The following MAGI1 variants were observed in gnomAD, a reference collection of about 807,000 sequenced individuals.
The protein encoded by MAGI1 is membrane-associated guanylate kinase, WW and PDZ domain-containing protein 1.
Under a neutral mutation model 139.9 loss-of-function variants are expected in MAGI1, and 58 were observed. That is an observed-to-expected ratio of 0.41 (90% CI 0.34 to 0.52). MAGI1 has a LOEUF of 0.52. Ranked by LOEUF, MAGI1 falls within the 20% of genes least tolerant of loss-of-function variation. The pLI is 0.12. For synonymous variants in MAGI1, 812 were observed against 737.9 expected (o/e 1.10, Z -1.63); for missense variants, 1,874 against 1,901.6 (o/e 0.99, Z 0.27).
rs543375832 is a variant in MAGI1 at position 65,978,941 on chromosome 3, T to C, written c.313+59055A>G. Among the ~76,000 whole-genome samples the C allele has an allele frequency of 2.6e-5, 4 of 152,236 alleles. No individual in the cohort carries two copies. The South Asian group carries it at 8.3e-4, about 32-fold the overall frequency. On this transcript the variant is annotated intron_variant, in intron 1 of 22. Coordinates refer to ENST00000402939, the MANE Select transcript of MAGI1 (RefSeq NM_001033057.2). Reference sequence around the variant, plus strand: ...CACGCCTGGCTCAGCTCTTAATTTCTTCATTCACAAAGCAATAATTTCGAG... The same window carrying C: ...CACGCCTGGCTCAGCTCTTAATTTCCTCATTCACAAAGCAATAATTTCGAG...
intron 1 of MAGI1, among the ~76,000 whole-genome samples, chr3:65,944,496 C>A (rs2063464711): frequency 1.3e-5 from 2 of 151,666 alleles, no homozygotes; most frequent in African/African-American, 4.8e-5. Context: ...CCAGCCTGGG[C>A]AACAGAGCAA....
chr3:65,896,237 C>G (rs1478465082), intron 1 of MAGI1, among the ~76,000 whole-genome samples: 1 of 151,924 alleles, frequency 6.6e-6, no homozygotes, highest in Non-Finnish European at 1.5e-5. Context: ...CCAGTCAAAA[C>G]TGAAACCCAC....
chr3:65,506,604 G>C (rs572777698), intron 2 of MAGI1, among the ~76,000 whole-genome samples: 1 of 152,064 alleles, frequency 6.6e-6, no homozygotes, highest in African/African-American at 2.4e-5. Context: ...AAATCACAAA[G>C]TCAACACATT....
rs2065082675 is a variant in MAGI1, at chr3:65,973,051, G to C, written c.313+64945C>G. Reference sequence around the variant, plus strand: ...TGTAGTCCCAGCTACTTGGGAGGCTGAGATGGGATGATCACTTGGGCCCAG... The same window carrying C: ...TGTAGTCCCAGCTACTTGGGAGGCTCAGATGGGATGATCACTTGGGCCCAG... On this transcript the variant is annotated intron_variant, in intron 1 of 22. Coordinates refer to ENST00000402939, the MANE Select transcript of MAGI1 (RefSeq NM_001033057.2). 5.3e-5 allele frequency among the ~76,000 whole-genome samples: 8 copies of C among 152,084 alleles called. No individual in the cohort carries two copies. In the South Asian group the frequency reaches 1.7e-3, roughly 32 times the overall value.
chr3:65,762,589 G>A (rs2037123317), intron 1 of MAGI1, among the ~76,000 whole-genome samples: 1 of 152,076 alleles, frequency 6.6e-6, no homozygotes, highest in South Asian at 2.1e-4. Context: ...CATAAGCAGG[G>A]CCCAGGGAAA....
intron 7 of MAGI1, among the ~76,000 whole-genome samples, chr3:65,444,868 T>C (rs538948254): frequency 2.0e-5 from 3 of 152,192 alleles, no homozygotes; most frequent in Admixed American, 6.5e-5. Context: ...ATTGAAAAGA[T>C]AGTTTCTCAC....
At chr3:66,025,263 G>C (rs28375572) in intron 1 of MAGI1, among the ~76,000 whole-genome samples, 1 of 152,156 alleles carries the variant, frequency 6.6e-6, no homozygotes, top group African/African-American at 2.4e-5. Flanking sequence ...GATTGGCCAG[G>C]CACAGTGGCC....
At chr3:65,559,932 A>T (rs2080262267) in intron 2 of MAGI1, among the ~76,000 whole-genome samples, 1 of 152,084 alleles carries the variant, frequency 6.6e-6, no homozygotes, top group African/African-American at 2.4e-5. Flanking sequence ...GCTACTCGAG[A>T]GGCTGAGGTG....
At chr3:65,974,763 A>G (rs535977245) in intron 1 of MAGI1, among the ~76,000 whole-genome samples, 5 of 152,300 alleles carry the variant, frequency 3.3e-5, no homozygotes, top group South Asian at 4.1e-4. Flanking sequence ...CTTCTCCCAG[A>G]GCAAGAGATC....
intron 1 of MAGI1, among the ~76,000 whole-genome samples, chr3:65,983,536 G>A (rs540170771): frequency 3.5e-4 from 54 of 152,160 alleles, no homozygotes; most frequent in Non-Finnish European, 6.6e-4. Flanking sequence ...TCTAAGTTTC[G>A]GTGCTCTTCT....
At chr3:65,474,261 T>A (rs1448566124) in intron 4 of MAGI1, among the ~76,000 whole-genome samples, 1 of 145,460 alleles carries the variant, frequency 6.9e-6, no homozygotes, top group Admixed American at 6.9e-5. Context: ...CGAGACCCTG[T>A]CTCAAACAAA....
At chr3:65,605,210 A>G (rs2082680057) in intron 2 of MAGI1, among the ~76,000 whole-genome samples, 1 of 152,214 alleles carries the variant, frequency 6.6e-6, no homozygotes, top group Admixed American at 6.5e-5. Flanking sequence ...ACTTATCCTT[A>G]AAATTGCACA....
At chr3:65,450,775 T>C (rs958289841) in intron 6 of MAGI1, among the ~76,000 whole-genome samples, 5 of 152,160 alleles carry the variant, frequency 3.3e-5, no homozygotes, top group Non-Finnish European at 7.4e-5. Context: ...ACATATTAAA[T>C]CTTTATAATA....
chr3:65,770,019 G>A (rs929218911), intron 1 of MAGI1, among the ~76,000 whole-genome samples: 2 of 152,196 alleles, frequency 1.3e-5, no homozygotes, highest in Admixed American at 6.5e-5. Flanking sequence ...TGCCATCTGG[G>A]AGGATTGCTA....
At chr3:65,778,945 G>C (rs1266330287) in intron 1 of MAGI1, among the ~76,000 whole-genome samples, 3 of 152,186 alleles carry the variant, frequency 2.0e-5, no homozygotes, top group African/African-American at 7.2e-5. Context: ...GAAGGTGCTA[G>C]TGTCATCTAG....
intron 1 of MAGI1, among the ~76,000 whole-genome samples, chr3:65,803,299 T>C (rs2040632329): frequency 1.3e-5 from 2 of 152,296 alleles, no homozygotes; most frequent in African/African-American, 4.8e-5. Flanking sequence ...TTTACTGTAA[T>C]AGAGATTGTA....
At chr3:65,382,852 A>G (rs1436450123) in intron 15 of MAGI1, among the ~76,000 whole-genome samples, 1 of 152,190 alleles carries the variant, frequency 6.6e-6, no homozygotes, top group Non-Finnish European at 1.5e-5. Context: ...CGGATAAATG[A>G]GAGAATGTAT....
chr3:65,441,509 G>A (rs1200734427), intron 8 of MAGI1, among the ~76,000 whole-genome samples: 1 of 152,150 alleles, frequency 6.6e-6, no homozygotes, highest in Admixed American at 6.5e-5. Flanking sequence ...AAGACAGATG[G>A]AGAAGTGTGT....
chr3:65,491,454 C>T (rs1952025887), intron 3 of MAGI1, among the ~76,000 whole-genome samples: 1 of 152,084 alleles, frequency 6.6e-6, no homozygotes, highest in Non-Finnish European at 1.5e-5. Context: ...CCTTTCCGAC[C>T]CAATCCTCTT....
Sources: gnomAD v4.1 joint callset for allele counts (sites outside exome capture counted in the v4.1 genomes callset) on GRCh38, gnomAD v4.1.1 for gene constraint, MANE v1.5 for transcripts, NCBI Gene and HGNC (gene_info 2026-07-23, HGNC 2026-07-21) for gene names.